The following ADAMTS3 variants were observed in gnomAD, a reference collection of about 807,000 sequenced individuals.
ADAMTS3 encodes the protein ADAM metallopeptidase with thrombospondin type 1 motif 3.
A neutral mutation model predicts 129.0 loss-of-function variants in ADAMTS3; 73 were observed. The observed-to-expected ratio is 0.57, with a 90% confidence interval of 0.47 to 0.69. ADAMTS3 has a LOEUF of 0.69. ADAMTS3 is among the 30% of genes least tolerant of loss of function. The pLI is 0.00. For missense variants in ADAMTS3, 1,457 were observed against 1,514.5 expected, an observed-to-expected ratio of 0.96 and a Z score of 0.63; for synonymous variants, 477 against 510.8, an observed-to-expected ratio of 0.93 and a Z score of 0.89.
At chr4:72,549,791 C>A (rs1301470017) in intron 2 of ADAMTS3, among the ~76,000 whole-genome samples, 1 of 151,208 alleles carries the variant, frequency 6.6e-6, no homozygotes, top group East Asian at 2.0e-4. Flanking sequence ...TCACAATTAG[C>A]ACTTAAACCC....
intron 2 of ADAMTS3, among the ~76,000 whole-genome samples, chr4:72,561,965 A>G (rs1427568316): frequency 2.0e-5 from 3 of 152,250 alleles, no homozygotes; most frequent in Non-Finnish European, 4.4e-5. Context: ...GGTATAAATT[A>G]TATGTGGGAA....
chr4:72,520,032 CTGTT>C (rs1277465439), intron 3 of ADAMTS3, among the ~76,000 whole-genome samples: 1 of 152,090 alleles, frequency 6.6e-6, no homozygotes, highest in Non-Finnish European at 1.5e-5. Flanking sequence ...GATGTCCTTT[CTGTT>C]TGTTAGTTTT....
chr4:72,396,458 C>A (rs1293081961), intron 4 of ADAMTS3, among the ~76,000 whole-genome samples: 2 of 151,828 alleles, frequency 1.3e-5, no homozygotes, highest in East Asian at 3.9e-4. Context: ...AAAAAACTTT[C>A]AGAGAAAAAA....
At chr4:72,303,053 A>C (rs1421976244) in intron 17 of ADAMTS3, among the ~76,000 whole-genome samples, 1 of 152,100 alleles carries the variant, frequency 6.6e-6, no homozygotes, top group Non-Finnish European at 1.5e-5. Context: ...AGCTCTAGGA[A>C]ACTACATCCA....
chr4:72,393,382 C>G (rs1268303074), intron 4 of ADAMTS3, among the ~76,000 whole-genome samples: 10 of 152,180 alleles, frequency 6.6e-5, no homozygotes, highest in Non-Finnish European at 1.2e-4. Context: ...CTACTTCTCT[C>G]AGACTAACAC....
At chr4:72,514,380 A>C (rs1331720307) in intron 3 of ADAMTS3, among the ~76,000 whole-genome samples, 1 of 152,188 alleles carries the variant, frequency 6.6e-6, no homozygotes, top group Admixed American at 6.6e-5. Context: ...GGGCTCAGAC[A>C]TGAATCTATT....
At position 72,282,723 on chromosome 4, in the gene ADAMTS3, T is replaced by G. The variant is rs1718383869; in HGVS notation, c.*413A>C. On this transcript the variant is annotated 3_prime_UTR_variant, in exon 22 of 22. Transcript: ENST00000286657. ...ATATAGATAAATAGGAATACAAGTCTAAGAATTCTTTGTTCCATATCCAAA... is the reference window on the plus strand; with the variant it reads ...ATATAGATAAATAGGAATACAAGTCGAAGAATTCTTTGTTCCATATCCAAA... 1 of 155,992 alleles carries G rather than the reference T, an allele frequency of 6.4e-6. No individual in the cohort carries two copies. The highest frequency in any genetic ancestry group is 1.4e-5 in the Non-Finnish European group (1 of 70,400). 9.7% of individuals were successfully genotyped at this position (155,992 alleles called of 1,614,324 possible).
intron 17 of ADAMTS3, among the ~76,000 whole-genome samples, chr4:72,299,624 T>C (rs1718901555): frequency 6.6e-6 from 1 of 152,094 alleles, no homozygotes; most frequent in Admixed American, 6.6e-5. Context: ...TGAGAGTGTA[T>C]GAAAGTGGCC....
chr4:72,370,619 G>A lies in ADAMTS3; in HGVS notation c.662-30926C>T, dbSNP rs933374475. Among the ~76,000 whole-genome samples, 40 of 152,002 alleles carry A rather than the reference G, an allele frequency of 2.6e-4. 1 individual carries two copies. The highest frequency in any genetic ancestry group is 3.2e-3 in the Middle Eastern group (1 of 316). ...AAAAAAATTAGCCAGGCATGGTGGC[G>A]CACACCTGTAGTCTCAGCTACTCAG... On this transcript the variant is annotated intron_variant, in intron 4 of 21. Transcript: ENST00000286657.
At chr4:72,384,675 T>C (rs1005084991) in intron 4 of ADAMTS3, among the ~76,000 whole-genome samples, 6 of 152,074 alleles carry the variant, frequency 3.9e-5, no homozygotes, top group Non-Finnish European at 8.8e-5. Context: ...CTACAGAAAG[T>C]TATTTGGGCT....
At chr4:72,433,133 A>G (rs1327240657) in intron 3 of ADAMTS3, among the ~76,000 whole-genome samples, 1 of 151,948 alleles carries the variant, frequency 6.6e-6, no homozygotes, top group Non-Finnish European at 1.5e-5. Flanking sequence ...ACAAGCTTCA[A>G]CCAAAACTAA....
At chr4:72,342,986 A>T (rs777433986) in intron 4 of ADAMTS3, among the ~76,000 whole-genome samples, 2 of 152,216 alleles carry the variant, frequency 1.3e-5, no homozygotes, top group South Asian at 4.1e-4. Flanking sequence ...GAAAAAGGAG[A>T]ACAGCTCTCT....
At chr4:72,289,672 C>T (rs1718607796) in intron 20 of ADAMTS3, among the ~76,000 whole-genome samples, 1 of 152,040 alleles carries the variant, frequency 6.6e-6, no homozygotes, top group African/African-American at 2.4e-5. Flanking sequence ...AGAGGTGGGA[C>T]CTTTCTGAGG....
chr4:72,471,679 A>G (rs1196644040), intron 3 of ADAMTS3, among the ~76,000 whole-genome samples: 1 of 152,096 alleles, frequency 6.6e-6, no homozygotes, highest in Non-Finnish European at 1.5e-5. Flanking sequence ...AATTAAAAAC[A>G]ATGCCATCTT....
At chr4:72,379,809 G>A (rs1721233183) in intron 4 of ADAMTS3, among the ~76,000 whole-genome samples, 1 of 151,852 alleles carries the variant, frequency 6.6e-6, no homozygotes, top group African/African-American at 2.4e-5. Flanking sequence ...AGGACCAAAT[G>A]AAGTAGTGCA....
intron 3 of ADAMTS3, among the ~76,000 whole-genome samples, chr4:72,480,089 T>C (rs1719385661): frequency 3.3e-5 from 5 of 152,194 alleles, no homozygotes; most frequent in Admixed American, 3.3e-4. Flanking sequence ...ACTTTTACAC[T>C]GTTGGTGGGA....
At chr4:72,368,862 C>T (rs1720934478) in intron 4 of ADAMTS3, among the ~76,000 whole-genome samples, 1 of 152,178 alleles carries the variant, frequency 6.6e-6, no homozygotes, top group Non-Finnish European at 1.5e-5. Context: ...AACTTTAGAA[C>T]ATCACTATAA....
intron 15 of ADAMTS3, among the ~76,000 whole-genome samples, chr4:72,308,651 T>G (rs776465994): frequency 1.4e-4 from 21 of 152,082 alleles, no homozygotes; most frequent in South Asian, 6.2e-4. Flanking sequence ...ACTCAAGAAA[T>G]TATTCAGTAA....
Position 72,342,730 on chromosome 4 carries a change from A to AT in ADAMTS3, c.662-3038dup, listed in dbSNP as rs557049532. Among the ~76,000 whole-genome samples the AT allele has an allele frequency of 1.1e-4, 17 of 152,186 alleles. No homozygotes were observed. In the East Asian group the frequency reaches 3.3e-3, roughly 29 times the overall value. ...GAATCTAAGATTGATCTTTTGAGAT[A>AT]TTTTTTAGCCTGTGCATTCTGACAA... On this transcript the variant is annotated intron_variant, in intron 4 of 21. Transcript: ENST00000286657.
Sources: allele counts gnomAD v4.1 joint callset (sites outside exome capture counted in the v4.1 genomes callset), GRCh38; gene constraint gnomAD v4.1.1; transcripts MANE v1.5; gene names NCBI Gene and HGNC (gene_info 2026-07-23, HGNC 2026-07-21).